The following KANK1 variants were observed in gnomAD, a reference collection of about 807,000 sequenced individuals.
KANK1 encodes KN motif and ankyrin repeat domain-containing protein 1.
In KANK1, 109 loss-of-function variants were observed where a neutral mutation model predicts 106.2. That is an observed-to-expected ratio of 1.03 (90% CI 0.88 to 1.20). The LOEUF (loss-of-function observed/expected upper bound fraction) is 1.20. KANK1 is among the 50% of genes most tolerant of loss of function. The pLI is 0.00. For missense variants in KANK1, 2,399 were observed against 1,710.7 expected (o/e 1.40, Z -7.10); for synonymous variants, 873 against 652.2 (o/e 1.34, Z -5.16).
intron 1 of KANK1, among the ~76,000 whole-genome samples, chr9:662,787 G>T (rs528361234): frequency 6.6e-6 from 1 of 151,248 alleles, no homozygotes; most frequent in Non-Finnish European, 1.5e-5. Context: ...TCAGTCTCCC[G>T]AGTAGCTGGG....
rs370195612 is a variant in KANK1, at chr9:664,149, T to C, written c.-83-12741T>C. ...TTAATGTTAACTGTAGTTGTCCTACTGATCTATCGAACACCAAGTCTTATT... is the reference window on the plus strand; with the variant it reads ...TTAATGTTAACTGTAGTTGTCCTACCGATCTATCGAACACCAAGTCTTATT... On this transcript the variant is annotated intron_variant, in intron 1 of 11. Transcript: ENST00000382297. Among the ~76,000 whole-genome samples the C allele has an allele frequency of 3.0e-4, 46 of 152,298 alleles. No individual in the cohort carries two copies. In the East Asian group the frequency reaches 6.9e-3, roughly 23 times the overall value.
intron 1 of KANK1, among the ~76,000 whole-genome samples, chr9:595,003 C>T (rs1825862740): frequency 6.6e-6 from 1 of 151,768 alleles, no homozygotes; most frequent in African/African-American, 2.4e-5. Flanking sequence ...AATTTTTATT[C>T]AGAACGCAGA....
chr9:496,550 C>G (rs1169548469), intron 3 of KANK1, among the ~76,000 whole-genome samples: 1 of 151,904 alleles, frequency 6.6e-6, no homozygotes, highest in Admixed American at 6.6e-5. Flanking sequence ...GAGCAAGACT[C>G]CATCTCAAAA....
intron 1 of KANK1, among the ~76,000 whole-genome samples, chr9:633,350 T>A (rs73378976): frequency 2.0e-5 from 3 of 151,902 alleles, no homozygotes; most frequent in Non-Finnish European, 2.9e-5. Context: ...CCCAGCTACT[T>A]GGGAGGCTGA....
At chr9:595,597 C>G (rs1314488237) in intron 1 of KANK1, among the ~76,000 whole-genome samples, 1 of 151,836 alleles carries the variant, frequency 6.6e-6, no homozygotes, top group African/African-American at 2.4e-5. Flanking sequence ...GTGATCATTG[C>G]TTACTGAAGC....
intron 2 of KANK1, chr9:686,865 C>A: frequency 1.0e-6 from 1 of 985,262 alleles, no homozygotes; most frequent in Non-Finnish European, 1.2e-6. Flanking sequence ...GAATTCACAA[C>A]ACCTCAGGAC....
At chr9:689,086 C>G (rs991507090) in intron 2 of KANK1, among the ~76,000 whole-genome samples, 1 of 152,134 alleles carries the variant, frequency 6.6e-6, no homozygotes, top group African/African-American at 2.4e-5. Context: ...TGTGTCCCCC[C>G]AATTCATTTG....
Position 651,233 on chromosome 9 carries a change from A to G in KANK1, c.-83-25657A>G, listed in dbSNP as rs142117022. On this transcript the variant is annotated intron_variant, in intron 1 of 11. Transcript: ENST00000382297. ...TTTTATTTCTGTAAGAGCACCTCCA[A>G]AACAAGTGGTGTGTTAATACATGTG... Among the ~76,000 whole-genome samples, 428 of 152,312 alleles carry G rather than the reference A, an allele frequency of 2.8e-3. 4 individuals are homozygous for G. The highest frequency in any genetic ancestry group is 9.8e-3 in the African/African-American group (408 of 41,560).
At chr9:563,819 G>A (rs1021668442) in intron 1 of KANK1, among the ~76,000 whole-genome samples, 2 of 152,160 alleles carry the variant, frequency 1.3e-5, no homozygotes, top group African/African-American at 4.8e-5. Flanking sequence ...TATTTGATCT[G>A]TGGTGACTGT....
intron 1 of KANK1, among the ~76,000 whole-genome samples, chr9:526,741 T>C (rs2059809794): frequency 6.6e-6 from 1 of 151,824 alleles, no homozygotes; most frequent in African/African-American, 2.4e-5. Flanking sequence ...TGTTGAACCA[T>C]AAGAAAATGC....
chr9:639,939 TC>T (rs2137100593), intron 1 of KANK1, among the ~76,000 whole-genome samples: 1 of 152,296 alleles, frequency 6.6e-6, no homozygotes, highest in East Asian at 1.9e-4. Flanking sequence ...TTGTGAGGGT[TC>T]TACCCTGATG....
In KANK1 at chr9:711,517, C is replaced by G; in HGVS notation, c.751C>G (p.Pro251Ala). 6.2e-7 allele frequency: 1 copy of G among 1,613,896 alleles called. No individual in the cohort carries two copies. The highest frequency in any genetic ancestry group is 8.5e-7 in the Non-Finnish European group (1 of 1,179,898). ...CCCCCTGAGCTCAGGGATCTCCACC[C>G]CAGTGACCAACGTGAGCCCCATGCA... ...HSPLSSGIST[P>A]VTNVSPMHLQ... The change falls in exon 3 of 12, where the codon CCA becomes GCA. Residue 251 changes from proline (P) to alanine (A), a missense_variant. Pro to Ala is a conservative substitution (Grantham distance 27). Transcript: ENST00000382297.
intron 3 of KANK1, among the ~76,000 whole-genome samples, chr9:721,127 T>A (rs1829207318): frequency 6.6e-6 from 1 of 152,092 alleles, no homozygotes; most frequent in African/African-American, 2.4e-5. Flanking sequence ...GTTTACAGAG[T>A]GCTTTGGGGA....
In KANK1 at chr9:734,822, C is replaced by G; in HGVS notation, c.3320C>G (p.Thr1107Ser). The G allele has an allele frequency of 6.2e-7, 1 of 1,612,188 alleles. No individual in the cohort carries two copies. Among genetic ancestry groups the G allele is most frequent in the Non-Finnish European group, 8.5e-7 (1 of 1,178,252 alleles). ...KNTINDPKAL[T>S]SKDMRFCLNT... The stretch of plus-strand genomic sequence containing the variant: ...ACTATAAATGACCCCAAAGCTTTGA[C>G]CAGCAAAGATATGGTGAGTCTGACC... Residue 1107 changes from threonine (T) to serine (S), a missense_variant, in exon 7 of 12, where the codon ACC becomes AGC. Coordinates refer to ENST00000382297, the MANE Select transcript of KANK1 (RefSeq NM_015158.5).
At chr9:618,233 G>C (rs1313666892) in intron 1 of KANK1, among the ~76,000 whole-genome samples, 2 of 152,150 alleles carry the variant, frequency 1.3e-5, no homozygotes, top group Non-Finnish European at 2.9e-5. Flanking sequence ...TTACGAGACA[G>C]AGTCTCGCCC....
chr9:594,759 A>G (rs1825812302), intron 1 of KANK1, among the ~76,000 whole-genome samples: 1 of 151,842 alleles, frequency 6.6e-6, no homozygotes, highest in African/African-American at 2.4e-5. Context: ...AAAAATTAAT[A>G]ATTTTTAATA....
chr9:742,034 A>G (rs139088070), intron 9 of KANK1, among the ~76,000 whole-genome samples, 171 bp from the exon 10 acceptor site: 85 of 152,270 alleles, frequency 5.6e-4, no homozygotes, highest in African/African-American at 2.0e-3. Context: ...CTCATAGCTC[A>G]TGGGAAGCTG....
intron 1 of KANK1, among the ~76,000 whole-genome samples, chr9:561,306 AC>A (rs1816373282): frequency 6.6e-6 from 1 of 152,158 alleles, no homozygotes; most frequent in South Asian, 2.1e-4. Context: ...TTTAGTAATC[AC>A]TTTTTTCACT....
At chr9:620,182 T>G (rs566040764) in intron 1 of KANK1, among the ~76,000 whole-genome samples, 1 of 151,950 alleles carries the variant, frequency 6.6e-6, no homozygotes, top group African/African-American at 2.4e-5. Flanking sequence ...ATTTCAGGTC[T>G]AGGCAGGCAA....
Sources: allele counts gnomAD v4.1 joint callset (sites outside exome capture counted in the v4.1 genomes callset), GRCh38; gene constraint gnomAD v4.1.1; transcripts MANE v1.5; gene names NCBI Gene and HGNC (gene_info 2026-07-23, HGNC 2026-07-21).